Variants in PHKA1 observed in about 807,000 individuals in gnomAD.
PHKA1 encodes the protein phosphorylase kinase regulatory subunit alpha 1, also known as phosphorylase b kinase regulatory subunit alpha, skeletal muscle isoform.
Under a neutral mutation model 110.2 loss-of-function variants are expected in PHKA1, and 60 were observed. The ratio of observed to expected loss-of-function variants is 0.54; its 90% confidence interval spans 0.44 to 0.68. PHKA1 has a LOEUF of 0.68. Among genes scored for constraint, PHKA1 ranks in the 30% least tolerant of loss-of-function variants. The pLI, the probability that PHKA1 is intolerant of heterozygous loss-of-function variation, is 0.00. For missense variants in PHKA1, 801 were observed against 942.5 expected (o/e 0.85, Z 1.97); for synonymous variants, 316 against 333.6 (o/e 0.95, Z 0.58).
chrX:72,620,961 C>T (rs888250174), intron 18 of PHKA1, 60 bp from the exon 19 acceptor site: 28 of 1,108,866 alleles, frequency 2.5e-5, no homozygotes, highest in South Asian at 4.0e-5. Context: ...AGTTACTTTA[C>T]AATCTACCCC....
chrX:72,636,201 G>A (rs781863200), intron 15 of PHKA1, 76 bp downstream of exon 15: 47 of 639,881 alleles, frequency 7.3e-5, no homozygotes, highest in Non-Finnish European at 1.2e-4. Flanking sequence ...CCCAACTCCA[G>A]TAAATGCTTT....
At position 72,644,481 on chromosome X, in the gene PHKA1, T is replaced by C. The variant is rs374124566; in HGVS notation, c.1340A>G (p.Glu447Gly). 1 of 1,207,468 alleles carries C rather than the reference T, an allele frequency of 8.3e-7. No homozygotes were observed. Among genetic ancestry groups the C allele is most frequent in the Non-Finnish European group, 1.1e-6 (1 of 893,600 alleles). Residue 447 changes from glutamate to glycine, a missense_variant, in exon 14 of 32, where the codon GAA (glutamate) becomes GGA (glycine). Transcript: ENST00000373542. ...DVVVQVSILA[E>G]TEEIKTILKD... ...CAAAATGGTCTTGATTTCTTCTGTT[T>C]CAGCTAGAATGGAGACTAGAGGAGA...
chrX:72,609,643 G>A lies in PHKA1; in HGVS notation c.2587C>T (p.Arg863Ter), dbSNP rs782401662. The change falls in exon 23 of 32, where the codon CGA becomes TGA. Residue 863 changes from arginine to a stop codon, truncating the protein, a stop_gained. Transcript: ENST00000373542. LOFTEE classifies it high-confidence loss of function. ...ACTCACGCAGAGATAGTCTTTTCTC[G>A]AGGTTCTGGAGGAAGTCCTACTGTC... is the stretch of plus-strand genomic sequence containing the variant. ...HLTVGLPPEP[R>*]EKTISAPLPY... 5 of 1,204,451 alleles carry A rather than the reference G, an allele frequency of 4.2e-6. No homozygotes were observed. Among genetic ancestry groups the A allele is most frequent in the Non-Finnish European group, 5.6e-6 (5 of 889,031 alleles).
At chrX:72,679,689 A>C (rs889370606) in intron 5 of PHKA1, among the ~76,000 whole-genome samples, 1 of 111,349 alleles carries the variant, frequency 9.0e-6, no homozygotes, top group Non-Finnish European at 1.9e-5. Context: ...TAGACATTGT[A>C]AATAAAAAGA....
Position 72,640,822 on chromosome X carries a change from A to G in PHKA1, c.1459+3540T>C, listed in dbSNP as rs7058039. Among the ~76,000 whole-genome samples, 834 of 111,941 alleles carry G rather than the reference A, an allele frequency of 7.5e-3. 7 individuals are homozygous for G. The highest frequency in any genetic ancestry group is 0.026 in the African/African-American group (803 of 30,901). On this transcript the variant is annotated intron_variant, in intron 14 of 31. Transcript: ENST00000373542. ...TAATTCTTGAAGGACTGAAAAATAT[A>G]TCTGATAAAATGGATGTATCTAATA...
intron 9 of PHKA1, 61 bp from the exon 10 acceptor site, chrX:72,656,303 G>C: frequency 8.9e-7 from 1 of 1,125,888 alleles, no homozygotes; most frequent in East Asian, 3.0e-5. Flanking sequence ...CTTTAGCTCA[G>C]AGGTATTATA....
chrX:72,649,178 C>A (rs1556298085), intron 13 of PHKA1, among the ~76,000 whole-genome samples: 2 of 112,102 alleles, frequency 1.8e-5, no homozygotes, highest in Non-Finnish European at 3.8e-5. Context: ...TGTATGACCA[C>A]ATGGGATGCC....
At chrX:72,705,142 A>C in intron 3 of PHKA1, 56 bp downstream of exon 3, 185 of 833,980 alleles carry the variant, frequency 2.2e-4, no homozygotes, top group Non-Finnish European at 3.1e-4. Context: ...CCTAAAGGGT[A>C]GAGATACTAT....
Position 72,621,653 on chromosome X carries a change from T to G in PHKA1, c.1961-752A>C, listed in dbSNP as rs145237986. 580 of 312,832 alleles carry G rather than the reference T, an allele frequency of 1.9e-3. 1 individual carries two copies. The highest frequency in any genetic ancestry group is 0.016 in the African/African-American group (553 of 34,750). 25.8% of individuals were successfully genotyped at this position (312,832 alleles called of 1,213,427 possible). On this transcript the variant is annotated intron_variant, in intron 18 of 31. Transcript: ENST00000373542. ...TCTGGTTTTTGATGATATTTACTGA[T>G]CTCTCCAGATGTCTTTCTGTGCTCT...
chrX:72,709,030 GT>G (rs1319742011), intron 2 of PHKA1, among the ~76,000 whole-genome samples: 1 of 111,345 alleles, frequency 9.0e-6, no homozygotes, highest in African/African-American at 3.3e-5. Context: ...GAAAGGTGGG[GT>G]TTCAGACACA....
chrX:72,682,069 A>C, intron 5 of PHKA1, among the ~76,000 whole-genome samples: 2 of 52,970 alleles, frequency 3.8e-5, no homozygotes, highest in African/African-American at 7.3e-5. Flanking sequence ...CCCGTCCGGG[A>C]GGGAGGTGGG....
chrX:72,603,030 G>T, intron 26 of PHKA1, 89 bp downstream of exon 26: 1 of 596,609 alleles, frequency 1.7e-6, no homozygotes, highest in Non-Finnish European at 2.8e-6. Context: ...TGGGGAAAAA[G>T]GTTTCTGTGA....
intron 12 of PHKA1, among the ~76,000 whole-genome samples, chrX:72,651,917 G>C (rs1305105465): frequency 8.9e-6 from 1 of 111,785 alleles, no homozygotes; most frequent in African/African-American, 3.3e-5. Context: ...CAGATGATAT[G>C]AAAAACTTCT....
chrX:72,627,820 T>G, intron 16 of PHKA1, among the ~76,000 whole-genome samples: 1 of 93,479 alleles, frequency 1.1e-5, no homozygotes, highest in African/African-American at 4.1e-5. Context: ...ACTTTTTTTT[T>G]TTTTTTTTTT....
chrX:72,690,944 T>C (rs1351188543), intron 4 of PHKA1, among the ~76,000 whole-genome samples: 5 of 111,782 alleles, frequency 4.5e-5, no homozygotes, highest in Non-Finnish European at 9.4e-5. Context: ...ATTTTTGTAT[T>C]CTTAGTAGAG....
intron 13 of PHKA1, among the ~76,000 whole-genome samples, chrX:72,649,182 G>A (rs1054667107): frequency 2.7e-5 from 3 of 111,910 alleles, no homozygotes; most frequent in Non-Finnish European, 5.6e-5. Context: ...TGACCACATG[G>A]GATGCCAAGT....
At chrX:72,596,891 G>A (rs1259794037) in intron 28 of PHKA1, among the ~76,000 whole-genome samples, 1 of 112,118 alleles carries the variant, frequency 8.9e-6, no homozygotes, top group East Asian at 2.8e-4. Context: ...TATCAAAACT[G>A]TGTCATATTG....
chrX:72,607,465 G>T (rs2052745384), intron 23 of PHKA1, among the ~76,000 whole-genome samples: 1 of 111,865 alleles, frequency 8.9e-6, no homozygotes, highest in African/African-American at 3.2e-5. Context: ...GCATTTCTCT[G>T]ATGATCAATG....
intron 2 of PHKA1, chrX:72,712,064 A>G (rs1213096037): frequency 8.9e-6 from 1 of 112,390 alleles, no homozygotes; most frequent in African/African-American, 3.2e-5. Flanking sequence ...CATGCATCTT[A>G]TAACTGACAA....
Sources: allele counts gnomAD v4.1 joint callset (sites outside exome capture counted in the v4.1 genomes callset), GRCh38; gene constraint gnomAD v4.1.1; transcripts MANE v1.5; gene names NCBI Gene and HGNC (gene_info 2026-07-23, HGNC 2026-07-21).